The following DPP6 variants were observed in gnomAD, a reference collection of about 807,000 sequenced individuals.
DPP6 encodes A-type potassium channel modulatory protein DPP6.
In DPP6, 69 loss-of-function variants were observed where a neutral mutation model predicts 122.6. That is an observed-to-expected ratio of 0.56 (90% CI 0.46 to 0.69). The LOEUF is 0.69. DPP6 is among the 30% of genes least tolerant of loss of function. DPP6 has a pLI of 0.00. For missense variants in DPP6, 928 were observed against 1,116.9 expected, an observed-to-expected ratio of 0.83 and a Z score of 2.41; for synonymous variants, 418 against 433.1, an observed-to-expected ratio of 0.97 and a Z score of 0.43.
intron 5 of DPP6, among the ~76,000 whole-genome samples, chr7:154,578,347 T>C (rs1831818726): frequency 6.6e-6 from 1 of 152,248 alleles, no homozygotes; most frequent in Admixed American, 6.5e-5. Context: ...TTTTGTAGTT[T>C]TCACAAACAA....
At chr7:154,643,772 C>A (rs2130952758) in intron 6 of DPP6, among the ~76,000 whole-genome samples, 1 of 152,220 alleles carries the variant, frequency 6.6e-6, no homozygotes, top group Middle Eastern at 3.4e-3. Context: ...TTTAACACTA[C>A]CCACCAAAGA....
intron 1 of DPP6, among the ~76,000 whole-genome samples, chr7:154,041,986 C>T (rs2109332): frequency 0.71 from 107,186 of 152,000 alleles, 38,618 homozygotes; most frequent in African/African-American, 0.85. Context: ...CTCGATTTCC[C>T]GACCTCGTGA....
chr7:154,432,907 C>T (rs1818546036), intron 1 of DPP6, among the ~76,000 whole-genome samples: 1 of 152,022 alleles, frequency 6.6e-6, no homozygotes, highest in African/African-American at 2.4e-5. Context: ...TAAATAAGTC[C>T]AGTCAAGGGC....
chr7:154,722,898 G>A (rs1293956242), intron 7 of DPP6, among the ~76,000 whole-genome samples: 1 of 152,184 alleles, frequency 6.6e-6, no homozygotes, highest in Non-Finnish European at 1.5e-5. Flanking sequence ...TTGGGGGTTA[G>A]CATCGCAAAA....
chr7:153,907,586 A>G (rs1176320165), intron 1 of DPP6, among the ~76,000 whole-genome samples: 1 of 152,202 alleles, frequency 6.6e-6, no homozygotes, highest in East Asian at 1.9e-4. Flanking sequence ...GAACATTTAA[A>G]TCAGTGGACT....
intron 1 of DPP6, among the ~76,000 whole-genome samples, chr7:154,194,591 G>A (rs1170426957): frequency 1.3e-5 from 2 of 152,182 alleles, no homozygotes; most frequent in Non-Finnish European, 2.9e-5. Context: ...GAATGTTTGT[G>A]TGCATTTCCT....
intron 3 of DPP6, among the ~76,000 whole-genome samples, chr7:154,499,081 G>T (rs1302805302): frequency 6.6e-6 from 1 of 152,134 alleles, no homozygotes; most frequent in Non-Finnish European, 1.5e-5. Context: ...CTAACCCTTT[G>T]TTACTTGCAC....
intron 1 of DPP6, among the ~76,000 whole-genome samples, chr7:153,931,410 G>T (rs1054976425): frequency 6.6e-6 from 1 of 152,164 alleles, no homozygotes; most frequent in Admixed American, 6.5e-5. Flanking sequence ...CCTTCTGGAA[G>T]CTTGACAGTC....
At chr7:153,926,064 C>G (rs1800884180) in intron 1 of DPP6, among the ~76,000 whole-genome samples, 1 of 152,168 alleles carries the variant, frequency 6.6e-6, no homozygotes, top group African/African-American at 2.4e-5. Context: ...TCCACGTCCT[C>G]TCTCCAGGTG....
intron 8 of DPP6, among the ~76,000 whole-genome samples, chr7:154,758,628 TC>T: frequency 6.6e-6 from 1 of 152,222 alleles, no homozygotes; most frequent in South Asian, 2.1e-4. Context: ...CTCCTCAGCC[TC>T]CCAAAGTGCT....
chr7:154,550,438 A>C (rs1411813738), intron 4 of DPP6, among the ~76,000 whole-genome samples: 1 of 152,236 alleles, frequency 6.6e-6, no homozygotes, highest in Non-Finnish European at 1.5e-5. Flanking sequence ...ACATTTAAAA[A>C]TATCTAGCAG....
At position 154,801,446 on chromosome 7, in the gene DPP6, C is replaced by T. The variant is rs1054264418; in HGVS notation, c.1391C>T (p.Thr464Met). ...GGACGAGGGAAATTCTATCACATCACGGTGTCCTCGTCCCAGGTAAGTCCT... is the reference window on the plus strand; with the variant it reads ...GGACGAGGGAAATTCTATCACATCATGGTGTCCTCGTCCCAGGTAAGTCCT... Reference protein sequence around the residue: ...QGGRGKFYHITVSSSQPNSSN... With the variant: ...QGGRGKFYHIMVSSSQPNSSN... The change falls in exon 13 of 26, where the codon ACG becomes ATG. Residue 464 changes from threonine to methionine, a missense_variant. Physicochemically the swap from Thr to Met is moderately conservative, Grantham distance 81. Coordinates refer to ENST00000377770, the MANE Select transcript of DPP6 (RefSeq NM_130797.4). The T allele has an allele frequency of 2.0e-5, 31 of 1,584,790 alleles. No homozygotes were observed. Among genetic ancestry groups the T allele is most frequent in the South Asian group, 4.6e-5 (4 of 86,318 alleles).
At chr7:154,671,575 G>C (rs543635623) in intron 7 of DPP6, among the ~76,000 whole-genome samples, 1 of 152,228 alleles carries the variant, frequency 6.6e-6, no homozygotes, top group Admixed American at 6.5e-5. Flanking sequence ...CCTGCCTCTG[G>C]GAACAGCTTG....
At chr7:154,518,155 A>G (rs1230950789) in intron 3 of DPP6, among the ~76,000 whole-genome samples, 1 of 152,258 alleles carries the variant, frequency 6.6e-6, no homozygotes, top group Non-Finnish European at 1.5e-5. Context: ...GACTACAAGA[A>G]CAACCCGTAA....
At chr7:154,641,180 T>C (rs1453986042) in intron 6 of DPP6, among the ~76,000 whole-genome samples, 1 of 152,150 alleles carries the variant, frequency 6.6e-6, no homozygotes, top group African/African-American at 2.4e-5. Flanking sequence ...GAGTTCTTTC[T>C]GTGTGGAAGG....
At chr7:154,788,629 G>A (rs78956287) in intron 10 of DPP6, among the ~76,000 whole-genome samples, 382 of 152,038 alleles carry the variant, frequency 2.5e-3, no homozygotes, top group Non-Finnish European at 4.4e-3. Flanking sequence ...GTGGAATTTC[G>A]GTTTTCCCAT....
At chr7:154,158,307 TTGGA>T (rs1173709997) in intron 1 of DPP6, among the ~76,000 whole-genome samples, 1 of 150,966 alleles carries the variant, frequency 6.6e-6, no homozygotes, top group Non-Finnish European at 1.5e-5. Context: ...ATTGAATAAT[TTGGA>T]TGGATATTCT....
At chr7:153,829,407 G>T in the DPP6 span, among the ~76,000 whole-genome samples, 2 of 151,974 alleles carry the variant, frequency 1.3e-5, no homozygotes, top group Non-Finnish European at 2.9e-5. Context: ...ATAGAGACAG[G>T]GTTTCACCAT....
At chr7:154,738,837 A>C (rs563557043) in intron 8 of DPP6, among the ~76,000 whole-genome samples, 2 of 152,384 alleles carry the variant, frequency 1.3e-5, no homozygotes, top group South Asian at 4.1e-4. Context: ...CAAGGCTAGC[A>C]GGAAGATGTG....
Sources: allele counts gnomAD v4.1 joint callset (sites outside exome capture counted in the v4.1 genomes callset), GRCh38; gene constraint gnomAD v4.1.1; transcripts MANE v1.5; gene names NCBI Gene and HGNC (gene_info 2026-07-23, HGNC 2026-07-21).